The following LEKR1 variants were observed in gnomAD, a reference collection of about 807,000 sequenced individuals.
LEKR1 encodes the protein leucine, glutamate and lysine rich 1, also known as protein LEKR1.
In LEKR1, 59 loss-of-function variants were observed where a neutral mutation model predicts 72.4. The ratio of observed to expected loss-of-function variants is 0.82; its 90% CI spans 0.66 to 1.01. LEKR1 has a LOEUF of 1.01. LEKR1 is among the 50% of genes least tolerant of loss of function. The pLI is 0.00. For missense variants in LEKR1, 728 were observed against 759.2 expected, an observed-to-expected ratio of 0.96 and a Z score of 0.48; for synonymous variants, 257 against 263.2, an observed-to-expected ratio of 0.98 and a Z score of 0.23.
intron 5 of LEKR1, among the ~76,000 whole-genome samples, 162 bp downstream of exon 5, chr3:156,927,766 T>G (rs1253404822): frequency 1.3e-5 from 2 of 151,910 alleles, no homozygotes; most frequent in African/African-American, 4.8e-5. Context: ...ACTCTGAAAT[T>G]TAATTATTAT....
chr3:156,925,063 CATGAATGTGGT>C (rs1433319781), intron 4 of LEKR1: 1 of 152,034 alleles, frequency 6.6e-6, no homozygotes, highest in Admixed American at 6.6e-5. Context: ...TCTTTCAATT[CATGAATGTGGT>C]ATGTTTTTCC....
At chr3:156,834,266 TTTTAA>T (rs1347985823) in intron 2 of LEKR1, among the ~76,000 whole-genome samples, 19 of 152,188 alleles carry the variant, frequency 1.2e-4, no homozygotes, top group African/African-American at 4.3e-4. Context: ...TATTTTAATG[TTTTAA>T]TTTATAGAAA....
At chr3:156,894,806 T>G (rs1486939760) in intron 3 of LEKR1, among the ~76,000 whole-genome samples, 1 of 152,198 alleles carries the variant, frequency 6.6e-6, no homozygotes, top group African/African-American at 2.4e-5. Context: ...GACTCCCTAT[T>G]CAATAAATGC....
At chr3:156,827,987 G>A (rs1711861014) in intron 1 of LEKR1, among the ~76,000 whole-genome samples, 1 of 152,172 alleles carries the variant, frequency 6.6e-6, no homozygotes, top group South Asian at 2.1e-4. Flanking sequence ...TGAGAATAAT[G>A]AGCCTTCTGG....
At chr3:156,844,601 A>G (rs1018632065) in intron 2 of LEKR1, among the ~76,000 whole-genome samples, 2 of 152,130 alleles carry the variant, frequency 1.3e-5, no homozygotes, top group Non-Finnish European at 2.9e-5. Flanking sequence ...TGTTATATAA[A>G]TGGAATCATG....
At chr3:157,007,122 A>C (rs905448314) in intron 9 of LEKR1, among the ~76,000 whole-genome samples, 2 of 152,192 alleles carry the variant, frequency 1.3e-5, no homozygotes, top group Admixed American at 6.5e-5. Context: ...GAATGGCGTG[A>C]ACCCGGGAGG....
chr3:157,021,846 A>G (rs1733856798), intron 10 of LEKR1, among the ~76,000 whole-genome samples: 1 of 152,108 alleles, frequency 6.6e-6, no homozygotes, highest in Admixed American at 6.5e-5. Context: ...TACTATTAAT[A>G]TTTAAGAACT....
At chr3:157,040,224 A>C (rs1437098793) in intron 12 of LEKR1, among the ~76,000 whole-genome samples, 6 of 152,228 alleles carry the variant, frequency 3.9e-5, no homozygotes, top group Admixed American at 2.6e-4. Flanking sequence ...TTAAATCTAA[A>C]TTAAGTTGGA....
chr3:156,981,866 T>A (rs1730238081), intron 7 of LEKR1, among the ~76,000 whole-genome samples: 1 of 152,216 alleles, frequency 6.6e-6, no homozygotes, highest in African/African-American at 2.4e-5. Context: ...CACTCAAACC[T>A]CTTTGGACTT....
chr3:156,947,853 T>C (rs1184998374), intron 6 of LEKR1, among the ~76,000 whole-genome samples: 1 of 151,248 alleles, frequency 6.6e-6, no homozygotes, highest in Non-Finnish European at 1.5e-5. Flanking sequence ...TCTTACTTTT[T>C]AAATACATAT....
intron 5 of LEKR1, among the ~76,000 whole-genome samples, chr3:156,932,338 A>G (rs1222488364): frequency 1.3e-5 from 2 of 152,248 alleles, no homozygotes; most frequent in African/African-American, 2.4e-5. Flanking sequence ...ATGCATTTTT[A>G]TATGACAATA....
chr3:156,829,377 G>A lies in LEKR1; in HGVS notation c.48G>A (p.Lys16=), dbSNP rs780806795. 1 of 1,531,670 alleles carries A rather than the reference G, an allele frequency of 6.5e-7. No homozygotes were observed. Among genetic ancestry groups the A allele is most frequent in the Non-Finnish European group, 8.7e-7 (1 of 1,143,328 alleles). The allele number at this position is 1,531,670 out of a possible 1,614,324, so 94.9% of individuals were successfully genotyped here. Residue 16 remains lysine, a splice_region_variant and synonymous_variant, in exon 2 of 13, where the codon AAG becomes AAA. Coordinates refer to ENST00000356539, the MANE Select transcript of LEKR1 (RefSeq NM_001004316.3). ...PMHALPEEIQ[K]MLPEEKVCKY... is the part of the protein sequence containing the mutation. Reference sequence around the variant, plus strand: ...ATGCGTTGCCTGAAGAAATCCAAAAGGTATGATATATTGTGTTGCTACAGC... The same window carrying A: ...ATGCGTTGCCTGAAGAAATCCAAAAAGTATGATATATTGTGTTGCTACAGC...
chr3:156,929,462 T>C (rs1725007430), intron 5 of LEKR1, among the ~76,000 whole-genome samples: 1 of 152,102 alleles, frequency 6.6e-6, no homozygotes, highest in African/African-American at 2.4e-5. Flanking sequence ...AAAGGTGGGA[T>C]TAATTCTCCA....
chr3:156,983,130 A>G (rs968731034), intron 7 of LEKR1, among the ~76,000 whole-genome samples: 1 of 152,192 alleles, frequency 6.6e-6, no homozygotes, highest in African/African-American at 2.4e-5. Context: ...AAGATAGATA[A>G]ATAAGCCTTA....
chr3:157,028,108 T>G lies in LEKR1; in HGVS notation c.1374T>G (p.Ser458=). 1 of 1,562,536 alleles carries G rather than the reference T, an allele frequency of 6.4e-7. No individual in the cohort carries two copies. The highest frequency in any genetic ancestry group is 8.7e-7 in the Non-Finnish European group (1 of 1,155,616). Residue 458 remains serine, a synonymous_variant, in exon 12 of 13, where the codon TCT becomes TCG. Coordinates refer to ENST00000356539, the MANE Select transcript of LEKR1 (RefSeq NM_001004316.3). The stretch of plus-strand genomic sequence containing the variant: ...ATATGAGATTTATCTTACAGATATC[T>G]GACTTAATCACAGGCGCTACAAGAG... ...KEQEELQMKI[S]DLITGATRDL...
chr3:156,884,843 A>G (rs1719881457), intron 3 of LEKR1, among the ~76,000 whole-genome samples: 1 of 152,168 alleles, frequency 6.6e-6, no homozygotes. Flanking sequence ...AGGCTGTGGA[A>G]GTTTTCCTCA....
intron 5 of LEKR1, among the ~76,000 whole-genome samples, chr3:156,929,203 T>A (rs1208588316): frequency 6.6e-6 from 1 of 151,972 alleles, no homozygotes; most frequent in Non-Finnish European, 1.5e-5. Flanking sequence ...TATTTTATTT[T>A]AAAATAAACA....
chr3:157,016,103 A>C (rs1482953645), intron 10 of LEKR1, among the ~76,000 whole-genome samples: 1 of 152,152 alleles, frequency 6.6e-6, no homozygotes, highest in Non-Finnish European at 1.5e-5. Flanking sequence ...CAGATTCAAG[A>C]GGCCCAATAT....
chr3:156,897,592 A>G (rs1253910890), intron 3 of LEKR1, among the ~76,000 whole-genome samples: 1 of 152,168 alleles, frequency 6.6e-6, no homozygotes, highest in East Asian at 1.9e-4. Context: ...CCTGGTTGAT[A>G]ATTGGTTGAG....
Sources: gnomAD v4.1 joint callset for allele counts (sites outside exome capture counted in the v4.1 genomes callset) on GRCh38, gnomAD v4.1.1 for gene constraint, MANE v1.5 for transcripts, NCBI Gene and HGNC (gene_info 2026-07-23, HGNC 2026-07-21) for gene names.